STAP1: variants seen among roughly 807,000 people sequenced by gnomAD.
STAP1 encodes signal transducing adaptor family member 1.
A neutral mutation model predicts 37.8 loss-of-function variants in STAP1; 30 were observed. The ratio of observed to expected loss-of-function variants is 0.79; its 90% confidence interval spans 0.59 to 1.08. STAP1 has a LOEUF of 1.08. STAP1 is among the 50% of genes least tolerant of loss of function. The pLI, the probability that STAP1 is intolerant of heterozygous loss-of-function variation, is 0.00. For synonymous variants in STAP1, 130 were observed against 116.0 expected (o/e 1.12, Z -0.78); for missense variants, 357 against 349.4 (o/e 1.02, Z -0.17).
At position 67,581,529 on chromosome 4, in the gene STAP1, A is replaced by T. The variant is rs1298883663; in HGVS notation, c.530+58A>T. On this transcript the variant is annotated intron_variant, in intron 5 of 8. Transcript: ENST00000265404. ...CGATTGTTAAAACTAATTTCTAATT[A>T]TAAAGGAGAGTTAGTCACTTGCTCT... 3.7e-5 allele frequency: 57 copies of T among 1,545,854 alleles called. 1 individual carries two copies. In the South Asian group the frequency reaches 5.9e-4, roughly 16 times the overall value.
intron 4 of STAP1, among the ~76,000 whole-genome samples, chr4:67,577,657 T>C (rs1416224989): frequency 1.3e-5 from 2 of 150,386 alleles, no homozygotes; most frequent in African/African-American, 2.4e-5. Context: ...CTTTCTTTTT[T>C]TTTTTTTTTT....
chr4:67,606,137 A>T (rs933028325), intron 8 of STAP1, among the ~76,000 whole-genome samples, 159 bp from the exon 9 acceptor site: 7 of 152,258 alleles, frequency 4.6e-5, no homozygotes, highest in African/African-American at 1.7e-4. Flanking sequence ...TAAAATTTAA[A>T]AAAGCATCTG....
At chr4:67,563,639 G>C (rs1727402006) in intron 1 of STAP1, among the ~76,000 whole-genome samples, 1 of 152,106 alleles carries the variant, frequency 6.6e-6, no homozygotes, top group Non-Finnish European at 1.5e-5. Flanking sequence ...GGAGTTCGAG[G>C]CTGCAGTGAG....
In STAP1 at chr4:67,570,209, T is replaced by G. The variant is rs536729016; in HGVS notation, c.121-875T>G. 7.5e-4 allele frequency among the ~76,000 whole-genome samples: 115 copies of G among 152,326 alleles called. No individual in the cohort carries two copies. The Middle Eastern group carries it at 0.017, about 23-fold the overall frequency. ...TGATTAAAAAGTATAGTATAGTAAG[T>G]ACATAAACCAGTAACATAGTCATTT... On this transcript the variant is annotated intron_variant, in intron 1 of 8. Transcript: ENST00000265404.
chr4:67,558,737 C>T lies in STAP1; in HGVS notation c.-73C>T. 7.1e-6 allele frequency: 11 copies of T among 1,557,798 alleles called. No individual in the cohort carries two copies. The highest frequency in any genetic ancestry group is 9.5e-6 in the Non-Finnish European group (11 of 1,154,546). ...TGGGACTTCCTCTTTGAACAGTTGC[C>T]TTTTCCTCTCACAGAAGGAAGATTT... is the stretch of plus-strand genomic sequence containing the variant. On this transcript the variant is annotated 5_prime_UTR_variant, in exon 1 of 9. Transcript: ENST00000265404.
intron 1 of STAP1, among the ~76,000 whole-genome samples, chr4:67,570,741 G>A (rs76730023): frequency 6.6e-6 from 1 of 151,646 alleles, no homozygotes; most frequent in African/African-American, 2.4e-5. Context: ...GGAGAAAGGA[G>A]GGAGGAAGAA....
intron 1 of STAP1, among the ~76,000 whole-genome samples, chr4:67,560,176 T>C (rs1727301887): frequency 6.6e-6 from 1 of 152,168 alleles, no homozygotes; most frequent in Non-Finnish European, 1.5e-5. Context: ...TTTAAATGCT[T>C]AAAGAAGACA....
chr4:67,600,015 A>G (rs2627246), intron 8 of STAP1, among the ~76,000 whole-genome samples: 132,441 of 152,150 alleles, frequency 0.87, 58,807 homozygotes, highest in East Asian at 0.99. Flanking sequence ...TATTTCTGCT[A>G]TGACCTTTAT....
At chr4:67,571,749 G>T (rs1433295060) in intron 2 of STAP1, among the ~76,000 whole-genome samples, 4 of 152,020 alleles carry the variant, frequency 2.6e-5, no homozygotes, top group African/African-American at 4.8e-5. Flanking sequence ...TACCTACCTT[G>T]GAACACTATA....
intron 8 of STAP1, among the ~76,000 whole-genome samples, chr4:67,599,955 A>G (rs893714263): frequency 3.3e-5 from 5 of 152,056 alleles, no homozygotes; most frequent in African/African-American, 1.2e-4. Context: ...TTTTTCAAAA[A>G]ACTTTTTGTT....
intron 8 of STAP1, among the ~76,000 whole-genome samples, chr4:67,599,472 T>C (rs1319685203): frequency 1.3e-5 from 2 of 152,136 alleles, no homozygotes; most frequent in African/African-American, 4.8e-5. Flanking sequence ...CTATTTCTTC[T>C]CAATTTTCCA....
At chr4:67,576,752 C>T (rs1334707099) in intron 3 of STAP1, among the ~76,000 whole-genome samples, 1 of 152,010 alleles carries the variant, frequency 6.6e-6, no homozygotes, top group Non-Finnish European at 1.5e-5. Context: ...CCTCAGCCTC[C>T]CAAAGTGCTG....
intron 7 of STAP1, 51 bp downstream of exon 7, chr4:67,591,004 A>G (rs1053270727): frequency 6.9e-7 from 1 of 1,454,718 alleles, no homozygotes; most frequent in Non-Finnish European, 9.6e-7. Flanking sequence ...GATTCCTTAT[A>G]GCCTCCTAGT....
At chr4:67,600,870 C>A (rs539808402) in intron 8 of STAP1, among the ~76,000 whole-genome samples, 9 of 152,006 alleles carry the variant, frequency 5.9e-5, no homozygotes, top group African/African-American at 2.2e-4. Flanking sequence ...TGTCTTTATA[C>A]GTGAAGTATG....
At chr4:67,591,936 C>CT (rs200275189) in intron 7 of STAP1, among the ~76,000 whole-genome samples, 1,938 of 152,192 alleles carry the variant, frequency 0.013, 35 homozygotes, top group African/African-American at 0.045. Flanking sequence ...ATCCAAATAA[C>CT]TAAGTGACTA....
intron 8 of STAP1, among the ~76,000 whole-genome samples, chr4:67,601,404 G>A (rs1415845482): frequency 4.6e-5 from 7 of 151,886 alleles, no homozygotes; most frequent in Admixed American, 3.9e-4. Flanking sequence ...CACAATTTAC[G>A]GTGTTATAAT....
intron 6 of STAP1, among the ~76,000 whole-genome samples, chr4:67,587,158 C>T (rs749451524): frequency 7.9e-5 from 12 of 152,076 alleles, no homozygotes; most frequent in Non-Finnish European, 5.9e-5. Flanking sequence ...TTATACTGTA[C>T]GACTTAATGT....
At chr4:67,565,994 T>C (rs1391412631) in intron 1 of STAP1, among the ~76,000 whole-genome samples, 1 of 134,122 alleles carries the variant, frequency 7.5e-6, no homozygotes, top group African/African-American at 2.7e-5. Flanking sequence ...TGTCGCCCAG[T>C]CTAGAGTGCA....
chr4:67,568,612 G>C (rs958857138), intron 1 of STAP1, among the ~76,000 whole-genome samples: 3 of 152,084 alleles, frequency 2.0e-5, no homozygotes, highest in African/African-American at 7.2e-5. Context: ...GTAGAATCTA[G>C]AGTAATATGA....
Sources: allele counts gnomAD v4.1 joint callset (sites outside exome capture counted in the v4.1 genomes callset), GRCh38; gene constraint gnomAD v4.1.1; transcripts MANE v1.5; gene names NCBI Gene and HGNC (gene_info 2026-07-23, HGNC 2026-07-21).